Variants in RAB2A observed in about 807,000 individuals in gnomAD.
The protein encoded by RAB2A is ras-related protein Rab-2A.
RAB2A carries 7 observed loss-of-function variants against 32.5 expected under a neutral mutation model. That is an observed-to-expected ratio of 0.22 (90% CI 0.12 to 0.40). The LOEUF is 0.40. Among genes scored for constraint, RAB2A ranks in the 10% least tolerant of loss-of-function variants. The pLI is 1.00. For synonymous variants in RAB2A, 79 were observed against 85.2 expected, an observed-to-expected ratio of 0.93 and a Z score of 0.40; for missense variants, 108 against 260.7, an observed-to-expected ratio of 0.41 and a Z score of 4.03.
chr8:60,526,299 C>G (rs1328373174), intron 1 of RAB2A, among the ~76,000 whole-genome samples: 2 of 152,016 alleles, frequency 1.3e-5, no homozygotes, highest in Non-Finnish European at 2.9e-5. Flanking sequence ...CATCTGAGAG[C>G]TTTTCCCGAC....
intron 6 of RAB2A, among the ~76,000 whole-genome samples, chr8:60,597,589 A>G (rs986986911): frequency 4.6e-5 from 7 of 152,194 alleles, no homozygotes; most frequent in African/African-American, 1.7e-4. Flanking sequence ...ATAATTTAAA[A>G]AAACAAAAGA....
rs1348468910 is a variant in RAB2A at position 60,621,409 on chromosome 8, C to T, written c.*640C>T. On this transcript the variant is annotated 3_prime_UTR_variant, in exon 8 of 8. Transcript: ENST00000262646. ...AACAAGCATGTTCATCTTTTCTTGT[C>T]ACTAGTCCAAGAAAAATATGCTTAA... The T allele has an allele frequency of 6.6e-6, 1 of 152,132 alleles. No individual in the cohort carries two copies. The highest frequency in any genetic ancestry group is 1.5e-5 in the Non-Finnish European group (1 of 68,010). 9.4% of individuals were successfully genotyped at this position (152,132 alleles called of 1,614,324 possible).
intron 1 of RAB2A, among the ~76,000 whole-genome samples, chr8:60,545,342 T>C (rs1807711383): frequency 6.6e-6 from 1 of 152,184 alleles, no homozygotes; most frequent in South Asian, 2.1e-4. Context: ...TTTCACACTG[T>C]CACCCAGGCT....
At chr8:60,551,250 A>G (rs1435797622) in intron 1 of RAB2A, among the ~76,000 whole-genome samples, 4 of 152,222 alleles carry the variant, frequency 2.6e-5, no homozygotes, top group Admixed American at 6.5e-5. Flanking sequence ...CATGTTGGGA[A>G]AAAACAAGTT....
chr8:60,519,519 T>G (rs1350208381), intron 1 of RAB2A, among the ~76,000 whole-genome samples: 2 of 152,200 alleles, frequency 1.3e-5, no homozygotes, highest in African/African-American at 2.4e-5. Flanking sequence ...ATTAAGCTCT[T>G]ATTGTGTGAA....
chr8:60,564,688 C>T (rs1808077153), intron 2 of RAB2A, among the ~76,000 whole-genome samples: 1 of 152,076 alleles, frequency 6.6e-6, no homozygotes, highest in African/African-American at 2.4e-5. Flanking sequence ...CATATTCATA[C>T]CCATACCGCA....
chr8:60,590,891 A>G (rs13278228), intron 5 of RAB2A, among the ~76,000 whole-genome samples: 24,774 of 151,562 alleles, frequency 0.16, 2,079 homozygotes, highest in Middle Eastern at 0.25. Flanking sequence ...ATGCATGAGA[A>G]TGAAAACACC....
chr8:60,566,677 G>A (rs1478038050), intron 2 of RAB2A, among the ~76,000 whole-genome samples: 2 of 152,050 alleles, frequency 1.3e-5, no homozygotes, highest in East Asian at 3.9e-4. Context: ...GTGTACTGGT[G>A]GACATTGGGC....
chr8:60,526,351 C>A (rs1807388757), intron 1 of RAB2A, among the ~76,000 whole-genome samples: 1 of 152,064 alleles, frequency 6.6e-6, no homozygotes, highest in African/African-American at 2.4e-5. Context: ...TGGCCCATGG[C>A]CCCCTTCCTC....
chr8:60,564,403 T>C (rs1449817003), intron 2 of RAB2A, among the ~76,000 whole-genome samples: 5 of 152,236 alleles, frequency 3.3e-5, no homozygotes, highest in African/African-American at 1.2e-4. Context: ...TTTTGATGGT[T>C]ATTTTTAATG....
chr8:60,606,162 A>G (rs971644407), intron 6 of RAB2A, among the ~76,000 whole-genome samples: 6 of 152,110 alleles, frequency 3.9e-5, no homozygotes, highest in Admixed American at 2.6e-4. Context: ...AAACAAACAA[A>G]CAAACAAAAA....
At chr8:60,526,135 G>T (rs1807384990) in intron 1 of RAB2A, among the ~76,000 whole-genome samples, 1 of 149,218 alleles carries the variant, frequency 6.7e-6, no homozygotes, top group South Asian at 2.1e-4. Context: ...CGGTTCTATA[G>T]TTCAGAAGTC....
In RAB2A at chr8:60,621,555, A is replaced by G. The variant is rs1273495330; in HGVS notation, c.*786A>G. ...GTTTGCCTTAATGAATACTGTTGGG[A>G]AAAAACACAGTATAATGAGTGAAAA... On this transcript the variant is annotated 3_prime_UTR_variant, in exon 8 of 8. Coordinates refer to ENST00000262646, the MANE Select transcript of RAB2A (RefSeq NM_002865.3). 6.6e-6 allele frequency: 1 copy of G among 152,208 alleles called. No individual in the cohort carries two copies. Among genetic ancestry groups the G allele is most frequent in the African/African-American group, 2.4e-5 (1 of 41,458 alleles). 9.4% of individuals were successfully genotyped at this position (152,208 alleles called of 1,614,324 possible).
rs1586089886 is a variant in RAB2A, at chr8:60,572,032, C to A, written c.119-14C>A. 1.3e-6 allele frequency: 2 copies of A among 1,585,704 alleles called. No homozygotes were observed. The highest frequency in any genetic ancestry group is 2.2e-5 in the South Asian group (2 of 89,390). Reference sequence around the variant, plus strand: ...CCACTAATTTTGTAACAAATCATTTCCTACTCTATTTAGGTGTAGAGTTCG... The same window carrying A: ...CCACTAATTTTGTAACAAATCATTTACTACTCTATTTAGGTGTAGAGTTCG... On this transcript the variant is annotated splice_polypyrimidine_tract_variant and intron_variant, in intron 2 of 7. Coordinates refer to ENST00000262646, the MANE Select transcript of RAB2A (RefSeq NM_002865.3).
At chr8:60,601,305 T>C (rs1335359096) in intron 6 of RAB2A, among the ~76,000 whole-genome samples, 3 of 152,152 alleles carry the variant, frequency 2.0e-5, no homozygotes, top group Non-Finnish European at 2.9e-5. Context: ...AAATAATAAT[T>C]AATGTTGAGA....
At chr8:60,573,566 TTCC>T (rs1563474265) in intron 3 of RAB2A, among the ~76,000 whole-genome samples, 1 of 152,192 alleles carries the variant, frequency 6.6e-6, no homozygotes, top group Non-Finnish European at 1.5e-5. Context: ...TTGCCTCTTC[TTCC>T]TCAGTGAAGA....
At chr8:60,531,696 T>G (rs1807478317) in intron 1 of RAB2A, among the ~76,000 whole-genome samples, 1 of 152,084 alleles carries the variant, frequency 6.6e-6, no homozygotes, top group Admixed American at 6.6e-5. Context: ...ATCTCAGATG[T>G]CTTCATAGTC....
At chr8:60,527,065 A>C (rs910601448) in intron 1 of RAB2A, among the ~76,000 whole-genome samples, 4 of 152,162 alleles carry the variant, frequency 2.6e-5, no homozygotes, top group African/African-American at 9.7e-5. Context: ...TAAAGGAAGC[A>C]TGGCTGGGAG....
rs187774897 is a variant in RAB2A, at chr8:60,567,684, T to G, written c.119-4362T>G. Among the ~76,000 whole-genome samples the G allele has an allele frequency of 1.1e-3, 171 of 152,040 alleles. 2 individuals are homozygous for G. The highest frequency in any genetic ancestry group is 6.8e-3 in the Middle Eastern group (2 of 294). On this transcript the variant is annotated intron_variant, in intron 2 of 7. Coordinates refer to ENST00000262646, the MANE Select transcript of RAB2A (RefSeq NM_002865.3). ...TTTCTTAAATGCTGTTCAGTAAAAT[T>G]TTATGGTTTTGTTCATATAGGCCTT...
Sources: gnomAD v4.1 joint callset for allele counts (sites outside exome capture counted in the v4.1 genomes callset) on GRCh38, gnomAD v4.1.1 for gene constraint, MANE v1.5 for transcripts, NCBI Gene and HGNC (gene_info 2026-07-23, HGNC 2026-07-21) for gene names.